PATE2: variants seen among roughly 807,000 people sequenced by gnomAD.
The protein encoded by PATE2 is prostate and testis expressed protein 2.
Under a neutral mutation model 10.5 loss-of-function variants are expected in PATE2, and 7 were observed. The ratio of observed to expected loss-of-function variants is 0.66; its 90% CI spans 0.38 to 1.25. The LOEUF is 1.25. Among genes scored for constraint, PATE2 ranks in the 50% most tolerant of loss-of-function variants. The pLI is 0.02. For synonymous variants in PATE2, 44 were observed against 46.9 expected, an observed-to-expected ratio of 0.94 and a Z score of 0.25; for missense variants, 133 against 135.4, an observed-to-expected ratio of 0.98 and a Z score of 0.09.
In PATE2 at chr11:125,776,128, T is replaced by C. The variant is rs941770388; in HGVS notation, c.*1254A>G. ...CATATGCTCATTTACTATCTGTATA[T>C]CTTTTTCTATTCAGATTTTTTGGCC... On this transcript the variant is annotated 3_prime_UTR_variant, in exon 4 of 4. Coordinates refer to ENST00000358524, the MANE Select transcript of PATE2 (RefSeq NM_212555.3). The C allele has an allele frequency of 2.0e-5, 3 of 152,250 alleles. No homozygotes were observed. Among genetic ancestry groups the C allele is most frequent in the African/African-American group, 7.2e-5 (3 of 41,472 alleles). The allele number at this position is 152,250 out of a possible 1,614,324, so 9.4% of individuals were successfully genotyped here. A position where few individuals can be genotyped will look rare whatever the true frequency, so the allele number is the denominator to read the frequency against.
In PATE2 at chr11:125,777,242, T is replaced by C; in HGVS notation, c.*140A>G. On this transcript the variant is annotated 3_prime_UTR_variant, in exon 4 of 4. Coordinates refer to ENST00000358524, the MANE Select transcript of PATE2 (RefSeq NM_212555.3). ...CCGCTGTCCACACTGCGTCTCCTTA[T>C]GCCTGCTTGTCTTTTCACTATGAGC... The C allele has an allele frequency of 2.0e-6, 2 of 1,017,294 alleles. No homozygotes were observed. The highest frequency in any genetic ancestry group is 2.8e-6 in the Non-Finnish European group (2 of 701,924). The allele number at this position is 1,017,294 out of a possible 1,614,324, so 63.0% of individuals were successfully genotyped here. A position where few individuals can be genotyped will look rare whatever the true frequency, so the allele number is the denominator to read the frequency against.
chr11:125,778,623 G>T, intron 1 of PATE2, 48 bp from the exon 2 acceptor site: 1 of 1,610,638 alleles, frequency 6.2e-7, no homozygotes, highest in Non-Finnish European at 8.5e-7. Flanking sequence ...ACATACATCT[G>T]CCACTGCCCC....
rs889229022 is a variant in PATE2 at position 125,777,350 on chromosome 11, A to C, written c.*32T>G. ...AAGAGAAAAAGAGCGTAGTGGTTGA[A>C]AAAGAACCCAAAATCCAGGAGAGAC... On this transcript the variant is annotated 3_prime_UTR_variant, in exon 4 of 4. Transcript: ENST00000358524. The C allele has an allele frequency of 9.3e-6, 15 of 1,608,422 alleles. No homozygotes were observed. Among genetic ancestry groups the C allele is most frequent in the Non-Finnish European group, 1.3e-5 (15 of 1,175,810 alleles).
At chr11:125,777,670 T>A in intron 3 of PATE2, 152 bp from the exon 4 acceptor site, 1 of 1,168,900 alleles carries the variant, frequency 8.6e-7, no homozygotes, top group Non-Finnish European at 1.2e-6. Context: ...ACCCAGAGAG[T>A]AGATTTTATT....
intron 2 of PATE2, 82 bp downstream of exon 2, chr11:125,778,470 C>G: frequency 6.9e-7 from 1 of 1,455,992 alleles, no homozygotes; most frequent in South Asian, 1.2e-5. Flanking sequence ...ACAGGCCTCT[C>G]TGAAGATGAA....
rs548597 is a variant in PATE2, at chr11:125,777,226, A to G, written c.*156T>C. The stretch of plus-strand genomic sequence containing the variant: ...CCATCATCAATAGGCTCCGCTGTCC[A>G]CACTGCGTCTCCTTATGCCTGCTTG... On this transcript the variant is annotated 3_prime_UTR_variant, in exon 4 of 4. Transcript: ENST00000358524. The G allele has an allele frequency of 0.89, 721,700 of 811,016 alleles. 321,595 individuals carry two copies. The highest frequency in any genetic ancestry group is 1 in the East Asian group (36,578 of 36,634). The allele number at this position is 811,016 out of a possible 1,614,324, so 50.2% of individuals were successfully genotyped here.
At chr11:125,777,630 G>A in intron 3 of PATE2, 112 bp from the exon 4 acceptor site, 5 of 1,375,032 alleles carry the variant, frequency 3.6e-6, no homozygotes, top group Non-Finnish European at 5.0e-6. Flanking sequence ...AGGCCCAAAT[G>A]AGTTCCAAAG....
Position 125,778,715 on chromosome 11 carries a change from G to A in PATE2, c.52+7C>T, listed in dbSNP as rs772996466. The A allele has an allele frequency of 1.2e-6, 2 of 1,613,508 alleles. No homozygotes were observed. Among genetic ancestry groups the A allele is most frequent in the South Asian group, 2.2e-5 (2 of 91,062 alleles). ...CCACCAGCTTCCCCTCTGTCTCCAG[G>A]ACTTACCCCAATATGGGCAGAGCAG... On this transcript the variant is annotated splice_region_variant and intron_variant, in intron 1 of 3. Transcript: ENST00000358524.
In PATE2 at chr11:125,777,433, C is replaced by G. The variant is rs1283396238; in HGVS notation, c.291G>C (p.Glu97Asp). The G allele has an allele frequency of 2.5e-6, 4 of 1,613,734 alleles. No individual in the cohort carries two copies. The highest frequency in any genetic ancestry group is 2.5e-6 in the Non-Finnish European group (3 of 1,179,786). The change falls in exon 4 of 4, where the codon GAG (glutamate) becomes GAC (aspartate). Residue 97 changes from glutamate (E) to aspartate (D), a missense_variant. Glu to Asp is a conservative substitution (Grantham distance 45). Transcript: ENST00000358524. ...INFLGFTKRV[E>D]LICCDHSNYC... ...AGTTACTATGATCACAACAGATGAG[C>G]TCTACCCTCTTCGTGAACCCCAGGA... is the stretch of plus-strand genomic sequence containing the variant.
Position 125,776,451 on chromosome 11 carries a change from G to C in PATE2, c.*931C>G, listed in dbSNP as rs1943484596. The C allele has an allele frequency of 6.6e-6, 1 of 152,162 alleles. No homozygotes were observed. Among genetic ancestry groups the C allele is most frequent in the Non-Finnish European group, 1.5e-5 (1 of 68,106 alleles). 9.4% of individuals were successfully genotyped at this position (152,162 alleles called of 1,614,324 possible). On this transcript the variant is annotated 3_prime_UTR_variant, in exon 4 of 4. Coordinates refer to ENST00000358524, the MANE Select transcript of PATE2 (RefSeq NM_212555.3). Reference sequence around the variant, plus strand: ...TCTTCCTTCTTCTCTTCCCACCACTGTTACCCATATATGCTACCTTTCTCA... The same window carrying C: ...TCTTCCTTCTTCTCTTCCCACCACTCTTACCCATATATGCTACCTTTCTCA...
Position 125,777,520 on chromosome 11 carries a change from T to A in PATE2, c.206-2A>T. ...TTGAATAATGATACATGCTCTGCCC[T>A]GAGGAGGTAAAAGAGAGGAAATATG... On this transcript the variant is annotated splice_acceptor_variant, in intron 3 of 3. Coordinates refer to ENST00000358524, the MANE Select transcript of PATE2 (RefSeq NM_212555.3). LOFTEE classifies it high-confidence loss of function. The A allele has an allele frequency of 6.2e-7, 1 of 1,613,558 alleles. No homozygotes were observed. Among genetic ancestry groups the A allele is most frequent in the Non-Finnish European group, 8.5e-7 (1 of 1,179,662 alleles).
Position 125,778,536 on chromosome 11 carries a change from G to T in PATE2, c.76+16C>A. On this transcript the variant is annotated intron_variant, in intron 2 of 3. Coordinates refer to ENST00000358524, the MANE Select transcript of PATE2 (RefSeq NM_212555.3). ...TTGCCTGTTTACCAAGGACTTCAGA[G>T]AAGCCATGATTGTACCTTTTATAGG... 6.2e-7 allele frequency: 1 copy of T among 1,613,070 alleles called. No homozygotes were observed. Among genetic ancestry groups the T allele is most frequent in the Non-Finnish European group, 8.5e-7 (1 of 1,179,276 alleles).
rs1467827212 is a variant in PATE2, at chr11:125,777,135, C to T, written c.*247G>A. 15 of 438,378 alleles carry T rather than the reference C, an allele frequency of 3.4e-5. No individual in the cohort carries two copies. Among genetic ancestry groups the T allele is most frequent in the South Asian group, 2.7e-4 (7 of 25,904 alleles). The allele number at this position is 438,378 out of a possible 1,614,324, so 27.2% of individuals were successfully genotyped here. A position where few individuals can be genotyped will look rare whatever the true frequency, so the allele number is the denominator to read the frequency against. On this transcript the variant is annotated 3_prime_UTR_variant, in exon 4 of 4. Transcript: ENST00000358524. ...TCTGAGCTTATTCATGGCAGTATCACGTAAGGAGAGCAAAACCCCTCCCAC... is the reference window on the plus strand; with the variant it reads ...TCTGAGCTTATTCATGGCAGTATCATGTAAGGAGAGCAAAACCCCTCCCAC...
In PATE2 at chr11:125,777,408, A is replaced by T. The variant is rs1412066157; in HGVS notation, c.316T>A (p.Tyr106Asn). The T allele has an allele frequency of 6.2e-7, 1 of 1,613,562 alleles. No individual in the cohort carries two copies. The highest frequency in any genetic ancestry group is 8.5e-7 in the Non-Finnish European group (1 of 1,179,754). ...VELICCDHSN[Y>N]CNLPEGV ...TAAACTCCCTCAGGGAGGTTGCAGT[A>T]GTTACTATGATCACAACAGATGAGC... is the stretch of plus-strand genomic sequence containing the variant. The change falls in exon 4 of 4, where the codon TAC (tyrosine) becomes AAC (asparagine). Residue 106 changes from tyrosine to asparagine, a missense_variant. Tyr to Asn is a moderately radical substitution (Grantham distance 143). Coordinates refer to ENST00000358524, the MANE Select transcript of PATE2 (RefSeq NM_212555.3).
Position 125,778,741 on chromosome 11 carries a change from A to G in PATE2, c.33T>C (p.Phe11=). The G allele has an allele frequency of 6.2e-7, 1 of 1,613,614 alleles. No homozygotes were observed. Among genetic ancestry groups the G allele is most frequent in the South Asian group, 1.1e-5 (1 of 91,064 alleles). MLVLFLLGTV[F]LLCPYWGELH... ...ACTTACCCCAATATGGGCAGAGCAG[A>G]AAGACTGTGCCCAGGAGAAAGAGAA... The change falls in exon 1 of 4, where the codon TTT becomes TTC. Residue 11 remains phenylalanine, a synonymous_variant. Coordinates refer to ENST00000358524, the MANE Select transcript of PATE2 (RefSeq NM_212555.3).
At position 125,777,513 on chromosome 11, in the gene PATE2, T is replaced by C; in HGVS notation, c.211A>G (p.Ser71Gly). ...GACAGTTTTGAATAATGATACATGCTCTGCCCTGAGGAGGTAAAAGAGAGG... is the reference window on the plus strand; with the variant it reads ...GACAGTTTTGAATAATGATACATGCCCTGCCCTGAGGAGGTAAAAGAGAGG... ...NFYILTRKGQ[S>G]MYHYSKLSCM... is the part of the protein sequence containing the mutation. The change falls in exon 4 of 4, where the codon AGC becomes GGC. Residue 71 changes from serine to glycine, a missense_variant. By Grantham distance (56) the Ser-to-Gly change is moderately conservative. Transcript: ENST00000358524. 5 of 1,613,622 alleles carry C rather than the reference T, an allele frequency of 3.1e-6. No homozygotes were observed. The highest frequency in any genetic ancestry group is 3.4e-6 in the Non-Finnish European group (4 of 1,179,730).
In PATE2 at chr11:125,778,785, T is replaced by C. The variant is rs750809263; in HGVS notation, c.-12A>G. 3.1e-6 allele frequency: 5 copies of C among 1,613,382 alleles called. No individual in the cohort carries two copies. The highest frequency in any genetic ancestry group is 2.2e-5 in the South Asian group (2 of 91,044). On this transcript the variant is annotated 5_prime_UTR_variant, in exon 1 of 4. Transcript: ENST00000358524. ...AAGAGAACAAGCATCCTGGAGCTTC[T>C]GTCAGGTGCAGCTTCCTGTGGAAGG...
Position 125,777,489 on chromosome 11 carries a change from A to G in PATE2, c.235T>C (p.Ser79Pro), listed in dbSNP as rs749172683. 6.1e-5 allele frequency: 98 copies of G among 1,613,568 alleles called. No individual in the cohort carries two copies. In the Middle Eastern group the frequency reaches 6.6e-4, roughly 11 times the overall value. ...GQSMYHYSKLSCMTSCEDINF... is the reference protein window; with the variant it reads ...GQSMYHYSKLPCMTSCEDINF... ...ATGTCCTCACAGCTGGTCATACACG[A>G]CAGTTTTGAATAATGATACATGCTC... The change falls in exon 4 of 4, where the codon TCG (serine) becomes CCG (proline). Residue 79 changes from serine (S) to proline (P), a missense_variant. Ser to Pro is a moderately conservative substitution (Grantham distance 74, BLOSUM62 -1). Coordinates refer to ENST00000358524, the MANE Select transcript of PATE2 (RefSeq NM_212555.3).
rs1205755777 is a variant in PATE2 at position 125,777,906 on chromosome 11, G to A, written c.173C>T (p.Ala58Val). The change falls in exon 3 of 4, where the codon GCA (alanine) becomes GTA (valine). Residue 58 changes from alanine to valine, a missense_variant. Physicochemically the swap from Ala to Val is moderately conservative, Grantham distance 64. Coordinates refer to ENST00000358524, the MANE Select transcript of PATE2 (RefSeq NM_212555.3). ...TGTAAGGATGTAAAAGTTCTCAACT[G>A]CACAGGACTGTTTATGCTTCAGGGA... Reference protein sequence around the residue: ...SCSLKHKQSCAVENFYILTRK... With the variant: ...SCSLKHKQSCVVENFYILTRK... The A allele has an allele frequency of 6.2e-7, 1 of 1,613,342 alleles. No individual in the cohort carries two copies. The highest frequency in any genetic ancestry group is 8.5e-7 in the Non-Finnish European group (1 of 1,179,568).
Sources: allele counts gnomAD v4.1 joint callset, GRCh38; gene constraint gnomAD v4.1.1; transcripts MANE v1.5; gene names NCBI Gene and HGNC (gene_info 2026-07-23, HGNC 2026-07-21).